Variants in SPMIP8 observed in about 807,000 individuals in gnomAD.
The protein encoded by SPMIP8 is testicular tissue protein Li 196.
At chr16:57,984,707 C>T in the SPMIP8 span, 16 of 1,599,232 alleles carry the variant, frequency 1.0e-5, no homozygotes, top group Non-Finnish European at 1.4e-5. Context: ...TCGCGCCAGG[C>T]ATCAACCGAG....
At chr16:57,977,560 A>AGTGT in the SPMIP8 span, among the ~76,000 whole-genome samples, 8,393 of 132,512 alleles carry the variant, frequency 0.063, 308 homozygotes, top group Non-Finnish European at 0.075. Context: ...GCACAATGTG[A>AGTGT]GTGTGTGTGT....
At chr16:57,984,566 T>C in the SPMIP8 span, 2 of 1,495,124 alleles carry the variant, frequency 1.3e-6, no homozygotes, top group Non-Finnish European at 1.8e-6. Flanking sequence ...GCCTTTGGGA[T>C]GGACTGGGAT....
chr16:57,979,439 T>C, the SPMIP8 span, among the ~76,000 whole-genome samples: 1 of 152,226 alleles, frequency 6.6e-6, no homozygotes, highest in African/African-American at 2.4e-5. Flanking sequence ...CAGACTGTGC[T>C]ATGTTGGAGG....
the SPMIP8 span, among the ~76,000 whole-genome samples, chr16:57,977,407 CA>C: frequency 0.35 from 34,566 of 99,252 alleles, 5,531 homozygotes; most frequent in African/African-American, 0.57. Flanking sequence ...GAGACTGTCT[CA>C]AAAAAAAAAA....
chr16:57,979,627 C>A, the SPMIP8 span, among the ~76,000 whole-genome samples: 3 of 152,162 alleles, frequency 2.0e-5, no homozygotes, highest in East Asian at 5.8e-4. Context: ...AGCAACAAGG[C>A]TCACTCCCAC....
At chr16:57,977,700 T>G in the SPMIP8 span, 1 of 1,171,966 alleles carries the variant, frequency 8.5e-7, no homozygotes, top group Non-Finnish European at 1.2e-6. Flanking sequence ...CAGTAGGTGC[T>G]AAATAAATGT....
the SPMIP8 span, among the ~76,000 whole-genome samples, chr16:57,983,029 CA>C: frequency 2.6e-5 from 4 of 151,270 alleles, no homozygotes; most frequent in African/African-American, 4.9e-5. Context: ...GACTCTGTCT[CA>C]AAAAAAAATT....
the SPMIP8 span, among the ~76,000 whole-genome samples, chr16:57,982,911 T>TC: frequency 1.3e-5 from 2 of 152,178 alleles, no homozygotes; most frequent in African/African-American, 4.8e-5. Flanking sequence ...GCACCTGTAA[T>TC]CCCAGCTACT....
the SPMIP8 span, chr16:57,985,319 G>C: frequency 2.6e-6 from 4 of 1,558,420 alleles, no homozygotes; most frequent in Admixed American, 3.9e-5. Flanking sequence ...GGGGGTCCTG[G>C]TGGGGAGCGG....
chr16:57,983,178 A>T, the SPMIP8 span, among the ~76,000 whole-genome samples: 1 of 152,062 alleles, frequency 6.6e-6, no homozygotes, highest in African/African-American at 2.4e-5. Context: ...GGGCAGTGGC[A>T]TGATCACAGC....
chr16:57,977,407 C>CAAAAAAAAAAAAAAAAAA, the SPMIP8 span, among the ~76,000 whole-genome samples: 4 of 99,806 alleles, frequency 4.0e-5, no homozygotes, highest in Non-Finnish European at 6.0e-5. Flanking sequence ...GAGACTGTCT[C>CAAAAAAAAAAAAAAAAAA]AAAAAAAAAA....
chr16:57,985,538 C>G, the SPMIP8 span: 1 of 1,604,722 alleles, frequency 6.2e-7, no homozygotes, highest in Non-Finnish European at 8.5e-7. Context: ...CCCTGCCTTT[C>G]GACTCCCTGT....
the SPMIP8 span, chr16:57,985,882 G>A: frequency 6.2e-7 from 1 of 1,600,174 alleles, no homozygotes; most frequent in African/African-American, 1.3e-5. Context: ...TTCCCATCTC[G>A]TGCTCACCCG....
the SPMIP8 span, among the ~76,000 whole-genome samples, chr16:57,980,396 C>T: frequency 3.9e-3 from 592 of 152,310 alleles, 5 homozygotes; most frequent in South Asian, 0.014. Context: ...AGTCCCTATA[C>T]GTCAAAAGTT....
At chr16:57,977,618 G>A in the SPMIP8 span, among the ~76,000 whole-genome samples, 3 of 151,072 alleles carry the variant, frequency 2.0e-5, no homozygotes, top group African/African-American at 7.3e-5. Context: ...TGGGAGGGTT[G>A]TCTCTGTTAT....
chr16:57,985,143 A>C, the SPMIP8 span: 1 of 1,320,202 alleles, frequency 7.6e-7, no homozygotes, highest in African/African-American at 2.1e-5. Context: ...GGCTTAGATG[A>C]GGAGGCGGGG....
the SPMIP8 span, among the ~76,000 whole-genome samples, chr16:57,978,268 C>T: frequency 6.6e-6 from 1 of 152,148 alleles, no homozygotes; most frequent in South Asian, 2.1e-4. Flanking sequence ...ACAAAAAACA[C>T]TTAGAGGCTG....
chr16:57,984,555 G>A, the SPMIP8 span: 1 of 1,497,640 alleles, frequency 6.7e-7, no homozygotes, highest in South Asian at 1.3e-5. Flanking sequence ...TGTCAACTGA[G>A]GCCTTTGGGA....
chr16:57,977,889 CT>C, the SPMIP8 span: 4 of 1,614,202 alleles, frequency 2.5e-6, no homozygotes, highest in South Asian at 4.4e-5. Flanking sequence ...GGCCATCCTG[CT>C]TCCCATGGAG....
Sources: allele counts gnomAD v4.1 joint callset (sites outside exome capture counted in the v4.1 genomes callset), GRCh38; gene constraint gnomAD v4.1.1; transcripts MANE v1.5; gene names NCBI Gene and HGNC (gene_info 2026-07-23, HGNC 2026-07-21).